The following ADAMTS2 variants were observed in gnomAD, a reference collection of about 807,000 sequenced individuals.
ADAMTS2 encodes ADAM metallopeptidase with thrombospondin type 1 motif 2, also known as A disintegrin and metalloproteinase with thrombospondin motifs 2.
A neutral mutation model predicts 123.0 loss-of-function variants in ADAMTS2; 50 were observed. The observed-to-expected ratio is 0.41, with a 90% CI of 0.32 to 0.51. The LOEUF is 0.51. Ranked by LOEUF, ADAMTS2 falls within the 20% of genes least tolerant of loss-of-function variation. The probability of loss-of-function intolerance (pLI) is 0.35; values close to 1 mark genes in which losing one functional copy is unlikely to be tolerated. For synonymous variants in ADAMTS2, 678 were observed against 695.4 expected (o/e 0.98, Z 0.39); for missense variants, 1,494 against 1,705.2 (o/e 0.88, Z 2.18).
chr5:179,119,181 C>T (rs1762711353), intron 21 of ADAMTS2, among the ~76,000 whole-genome samples: 2 of 152,168 alleles, frequency 1.3e-5, no homozygotes, highest in Middle Eastern at 3.2e-3. Flanking sequence ...GAGGGAAGCA[C>T]TGTCTGACCC....
intron 19 of ADAMTS2, among the ~76,000 whole-genome samples, chr5:179,123,004 A>T (rs1448166260): frequency 1.3e-5 from 2 of 152,196 alleles, no homozygotes; most frequent in Non-Finnish European, 2.9e-5. Context: ...CTGCTGTGAG[A>T]CAGTGCCCAT....
chr5:179,239,184 G>A (rs1258002204), intron 3 of ADAMTS2, among the ~76,000 whole-genome samples: 1 of 152,146 alleles, frequency 6.6e-6, no homozygotes, highest in Non-Finnish European at 1.5e-5. Context: ...AGGTCTGCTG[G>A]GGGCTCCCAA....
In ADAMTS2 at chr5:179,189,526, T is replaced by C. The variant is rs1239358657; in HGVS notation, c.892-8371A>G. 7.1e-6 allele frequency among the ~76,000 whole-genome samples: 1 copy of C among 141,232 alleles called. No individual in the cohort carries two copies. Among genetic ancestry groups the C allele is most frequent in the African/African-American group, 2.6e-5 (1 of 38,002 alleles). The allele number at this position is 141,232 out of a possible 152,430, so 92.7% of individuals were successfully genotyped here. On this transcript the variant is annotated intron_variant, in intron 4 of 21. Transcript: ENST00000251582. The surrounding 1 kb of genome is among the most constrained non-coding windows in gnomAD (Gnocchi z 4.2). ...GTGCGCCTGGTTTTTTTTTTTTTTT[T>C]TTTTTTTTTTTTAGTAGAGGCAGGG...
chr5:179,281,844 C>G lies in ADAMTS2; in HGVS notation c.535-8780G>C, dbSNP rs189356812. Among the ~76,000 whole-genome samples the G allele has an allele frequency of 2.0e-3, 305 of 152,316 alleles. 3 individuals are homozygous for G. Among genetic ancestry groups the G allele is most frequent in the South Asian group, 2.9e-3 (14 of 4,824 alleles). ...TCTTAGGCTCTTTGACTCTAGCTATCCAGCAGGTGTGAAGTGGTGTCCCAT... is the reference window on the plus strand; with the variant it reads ...TCTTAGGCTCTTTGACTCTAGCTATGCAGCAGGTGTGAAGTGGTGTCCCAT... On this transcript the variant is annotated intron_variant, in intron 2 of 21. Coordinates refer to ENST00000251582, the MANE Select transcript of ADAMTS2 (RefSeq NM_014244.5).
chr5:179,205,992 C>T (rs1764681752), intron 4 of ADAMTS2, among the ~76,000 whole-genome samples: 1 of 152,074 alleles, frequency 6.6e-6, no homozygotes, highest in African/African-American at 2.4e-5. Flanking sequence ...ATCTCCTGAC[C>T]TCGTGATCCG....
rs543712346 is a variant in ADAMTS2 at position 179,267,243 on chromosome 5, G to A, written c.688+5668C>T. Among the ~76,000 whole-genome samples the A allele has an allele frequency of 3.9e-5, 6 of 152,334 alleles. No homozygotes were observed. The South Asian group carries it at 8.3e-4, about 21-fold the overall frequency. On this transcript the variant is annotated intron_variant, in intron 3 of 21. Coordinates refer to ENST00000251582, the MANE Select transcript of ADAMTS2 (RefSeq NM_014244.5). ...GGGCTCTTCCTGGCCTGGTGGGGAA[G>A]GGCTGGCTGTGGGCTGCAGGTGGCA...
In ADAMTS2 at chr5:179,153,639, G is replaced by A. The variant is rs377462612; in HGVS notation, c.1383-16C>T. On this transcript the variant is annotated splice_polypyrimidine_tract_variant and intron_variant, in intron 8 of 21. Transcript: ENST00000251582. ...GTCATAGGAGCTGTGGGGGACACAC[G>A]GTGCCGCGAGCAGCCTTCAGCGCGG... 3.7e-4 allele frequency: 599 copies of A among 1,597,600 alleles called. 6 individuals are homozygous for A. The highest frequency in any genetic ancestry group is 1.0e-3 in the South Asian group (93 of 90,244).
At chr5:179,226,994 A>G (rs1765305459) in intron 3 of ADAMTS2, among the ~76,000 whole-genome samples, 1 of 152,210 alleles carries the variant, frequency 6.6e-6, no homozygotes, top group South Asian at 2.1e-4. Context: ...TCGCAAATGC[A>G]GGGTAGCACA....
chr5:179,294,467 G>C (rs990795882), intron 2 of ADAMTS2, among the ~76,000 whole-genome samples: 2 of 152,188 alleles, frequency 1.3e-5, no homozygotes, highest in Non-Finnish European at 2.9e-5. Flanking sequence ...ACCCACCCTA[G>C]GGGGTGCCAG....
intron 3 of ADAMTS2, among the ~76,000 whole-genome samples, chr5:179,212,386 ATGGGCTCTGTGGGCAGGTG>A (rs1364059308): frequency 9.8e-6 from 1 of 101,626 alleles, no homozygotes; most frequent in Non-Finnish European, 2.0e-5. Flanking sequence ...GTGGGCAGGC[ATGGGCTCTGTGGGCAGGTG>A]TGGGCTCTGA....
chr5:179,289,777 C>T (rs963373197), intron 2 of ADAMTS2, among the ~76,000 whole-genome samples: 4 of 152,186 alleles, frequency 2.6e-5, no homozygotes, highest in African/African-American at 9.7e-5. Context: ...ACAGTCCCAG[C>T]GTGGTGCCCT....
chr5:179,224,139 C>T (rs374390908), intron 3 of ADAMTS2, among the ~76,000 whole-genome samples: 7 of 152,206 alleles, frequency 4.6e-5, no homozygotes, highest in Middle Eastern at 3.4e-3. Context: ...CCTTCCTGGC[C>T]GTCATTTACA....
chr5:179,341,378 A>AAAGAG (rs762683950), intron 2 of ADAMTS2: 13 of 386,676 alleles, frequency 3.4e-5, no homozygotes, highest in South Asian at 1.1e-4. Context: ...GGAAGGAAGG[A>AAAGAG]AAGAGAAGAG....
chr5:179,238,532 G>A (rs992672253), intron 3 of ADAMTS2, among the ~76,000 whole-genome samples: 5 of 152,120 alleles, frequency 3.3e-5, no homozygotes, highest in Non-Finnish European at 2.9e-5. Flanking sequence ...AGAGCGCCAG[G>A]GTAGGTCCCA....
At chr5:179,215,178 G>A (rs1319582207) in intron 3 of ADAMTS2, among the ~76,000 whole-genome samples, 1 of 152,266 alleles carries the variant, frequency 6.6e-6, no homozygotes, top group Non-Finnish European at 1.5e-5. Context: ...GCTGGGTGCA[G>A]TGGCTCACGC....
chr5:179,321,488 C>A (rs1230775829), intron 2 of ADAMTS2, among the ~76,000 whole-genome samples: 2 of 152,004 alleles, frequency 1.3e-5, no homozygotes, highest in Non-Finnish European at 2.9e-5. Context: ...ATTCCCTGAA[C>A]CCCCTCCTCT....
At chr5:179,153,377 C>A in intron 9 of ADAMTS2, 114 bp downstream of exon 9, 1 of 1,501,798 alleles carries the variant, frequency 6.7e-7, no homozygotes. Context: ...TCTGGAGGGC[C>A]GCTCTGCCCT....
At chr5:179,288,339 G>A (rs1181975125) in intron 2 of ADAMTS2, among the ~76,000 whole-genome samples, 3 of 152,350 alleles carry the variant, frequency 2.0e-5, no homozygotes, top group Middle Eastern at 3.4e-3. Flanking sequence ...TGCCAGGCCC[G>A]AGGCTGTCTG....
chr5:179,314,945 C>A lies in ADAMTS2; in HGVS notation c.534+28822G>T, dbSNP rs912424055. On this transcript the variant is annotated intron_variant, in intron 2 of 21. Transcript: ENST00000251582. The surrounding 1 kb of genome is among the most constrained non-coding windows in gnomAD (Gnocchi z 4.5). ...CTCTTTCCTGACATTAAGCGACTCC[C>A]CTCCCAGAGCCTAATCACAGCCAGC... is the stretch of plus-strand genomic sequence containing the variant. Among the ~76,000 whole-genome samples, 3 of 152,154 alleles carry A rather than the reference C, an allele frequency of 2.0e-5. No individual in the cohort carries two copies. The highest frequency in any genetic ancestry group is 7.2e-5 in the African/African-American group (3 of 41,426).
Sources: gnomAD v4.1 joint callset for allele counts (sites outside exome capture counted in the v4.1 genomes callset) on GRCh38, gnomAD v4.1.1 for gene constraint, Gnocchi (gnomAD v3.1) non-coding constraint, MANE v1.5 for transcripts, NCBI Gene and HGNC (gene_info 2026-07-23, HGNC 2026-07-21) for gene names.